Variants in GALNT13 observed in about 807,000 individuals in gnomAD.
GALNT13 encodes the protein polypeptide N-acetylgalactosaminyltransferase 13.
A neutral mutation model predicts 64.2 loss-of-function variants in GALNT13; 28 were observed. The observed-to-expected ratio is 0.44, with a 90% CI of 0.32 to 0.60. The LOEUF (loss-of-function observed/expected upper bound fraction) is 0.60. Ranked by LOEUF, GALNT13 falls within the 20% of genes least tolerant of loss-of-function variation. The pLI is 0.05. For synonymous variants in GALNT13, 214 were observed against 224.6 expected (o/e 0.95, Z 0.42); for missense variants, 577 against 669.8 (o/e 0.86, Z 1.53).
At chr2:154,029,457 A>T (rs1449192526) in intron 3 of GALNT13, among the ~76,000 whole-genome samples, 1 of 152,148 alleles carries the variant, frequency 6.6e-6, no homozygotes, top group African/African-American at 2.4e-5. Context: ...TCCTCAACAC[A>T]AGAGAATACT....
At position 154,168,654 on chromosome 2, in the gene GALNT13, G is replaced by A. The variant is rs567977456; in HGVS notation, c.311+28149G>A. 1.3e-4 allele frequency among the ~76,000 whole-genome samples: 18 copies of A among 133,508 alleles called. No homozygotes were observed. The East Asian group carries it at 4.1e-3, about 30-fold the overall frequency. The allele number at this position is 133,508 out of a possible 152,430, so 87.6% of individuals were successfully genotyped here. On this transcript the variant is annotated intron_variant, in intron 4 of 12. Coordinates refer to ENST00000392825, the MANE Select transcript of GALNT13 (RefSeq NM_052917.4). ...TCAAGACCAGCCTGGCCAACATAGTGAAACCTCATCTCTACTATTAAAAAA... is the reference window on the plus strand; with the variant it reads ...TCAAGACCAGCCTGGCCAACATAGTAAAACCTCATCTCTACTATTAAAAAA...
At chr2:153,847,969 A>G in the GALNT13 span, among the ~76,000 whole-genome samples, 1 of 152,216 alleles carries the variant, frequency 6.6e-6, no homozygotes, top group South Asian at 2.1e-4. Context: ...TTGAGGCAAG[A>G]GAGCTGGCTT....
intron 3 of GALNT13, among the ~76,000 whole-genome samples, chr2:154,090,468 T>C (rs1444741668): frequency 2.6e-5 from 4 of 152,068 alleles, no homozygotes; most frequent in Non-Finnish European, 5.9e-5. Context: ...AAGCCCAAAA[T>C]ATCAGCACAA....
chr2:153,389,799 A>G, the GALNT13 span, among the ~76,000 whole-genome samples: 1 of 152,204 alleles, frequency 6.6e-6, no homozygotes, highest in Non-Finnish European at 1.5e-5. Context: ...GTGTGATCCT[A>G]GGCAAGTTTC....
intron 3 of GALNT13, among the ~76,000 whole-genome samples, chr2:154,019,316 T>A (rs906272489): frequency 6.6e-6 from 1 of 152,134 alleles, no homozygotes; most frequent in Non-Finnish European, 1.5e-5. Flanking sequence ...GCTATAGAAA[T>A]CATTAATTCT....
intron 3 of GALNT13, among the ~76,000 whole-genome samples, chr2:154,049,990 T>C (rs2105344430): frequency 6.6e-6 from 1 of 152,250 alleles, no homozygotes; most frequent in Admixed American, 6.5e-5. Flanking sequence ...GTATTAAATG[T>C]TTATTATATT....
intron 4 of GALNT13, among the ~76,000 whole-genome samples, chr2:154,220,102 C>A (rs1031884938): frequency 1.5e-4 from 23 of 152,134 alleles, no homozygotes; most frequent in African/African-American, 4.8e-4. Context: ...ATGGGCTATG[C>A]AAGCAATGGG....
chr2:153,263,420 T>C, the GALNT13 span, among the ~76,000 whole-genome samples: 1 of 152,208 alleles, frequency 6.6e-6, no homozygotes, highest in African/African-American at 2.4e-5. Flanking sequence ...ACCATTGACA[T>C]TCTTCACAGA....
the GALNT13 span, among the ~76,000 whole-genome samples, chr2:153,125,564 A>T: frequency 1.3e-5 from 2 of 152,206 alleles, no homozygotes; most frequent in Non-Finnish European, 2.9e-5. Flanking sequence ...TAGTGATTTT[A>T]AGTATGCAGG....
the GALNT13 span, among the ~76,000 whole-genome samples, chr2:153,278,348 T>C: frequency 7.2e-5 from 11 of 152,142 alleles, no homozygotes; most frequent in African/African-American, 2.4e-4. Flanking sequence ...ATCCACAAGC[T>C]GTTTAATTAG....
intron 4 of GALNT13, among the ~76,000 whole-genome samples, chr2:154,178,531 C>T (rs1364640966): frequency 4.6e-5 from 7 of 151,984 alleles, no homozygotes. Flanking sequence ...CAAACCTGCA[C>T]GTTGTGCACA....
chr2:153,622,731 T>G, the GALNT13 span, among the ~76,000 whole-genome samples: 1 of 152,164 alleles, frequency 6.6e-6, no homozygotes, highest in African/African-American at 2.4e-5. Context: ...TTAATAAAAT[T>G]TAACTTTTAA....
chr2:153,316,772 G>A, the GALNT13 span, among the ~76,000 whole-genome samples: 5 of 151,996 alleles, frequency 3.3e-5, no homozygotes, highest in African/African-American at 1.2e-4. Context: ...ACTGCTCAGT[G>A]TGAAGAAGAA....
At chr2:153,072,476 G>C in the GALNT13 span, among the ~76,000 whole-genome samples, 1 of 152,190 alleles carries the variant, frequency 6.6e-6, no homozygotes, top group African/African-American at 2.4e-5. Context: ...TTCAGTGCTT[G>C]ATTCTCTTTG....
At chr2:153,373,074 A>G in the GALNT13 span, among the ~76,000 whole-genome samples, 1 of 151,446 alleles carries the variant, frequency 6.6e-6, no homozygotes, top group Non-Finnish European at 1.5e-5. Context: ...ATTCTTGGTC[A>G]TTCTCTTTTT....
the GALNT13 span, among the ~76,000 whole-genome samples, chr2:153,095,074 A>C: frequency 8.2e-4 from 125 of 152,298 alleles, no homozygotes; most frequent in Non-Finnish European, 1.6e-3. Context: ...TGCACAGCAA[A>C]AGAAACTACC....
At chr2:153,261,700 C>G in the GALNT13 span, among the ~76,000 whole-genome samples, 1 of 152,102 alleles carries the variant, frequency 6.6e-6, no homozygotes, top group Non-Finnish European at 1.5e-5. Flanking sequence ...CCTATGTTCA[C>G]TCAAGGCCCA....
chr2:154,116,386 G>A (rs990706321), intron 3 of GALNT13, among the ~76,000 whole-genome samples: 7 of 152,100 alleles, frequency 4.6e-5, no homozygotes, highest in African/African-American at 1.2e-4. Flanking sequence ...ATAAGAGCTC[G>A]TGTCCTGTTT....
intron 1 of GALNT13, among the ~76,000 whole-genome samples, 177 bp downstream of exon 1, chr2:153,872,480 C>T (rs1031169705): frequency 7.2e-5 from 11 of 152,150 alleles, no homozygotes; most frequent in Admixed American, 5.2e-4. Context: ...GCGGACCTGG[C>T]GACGCGGCCT....
Sources: gnomAD v4.1 joint callset for allele counts (sites outside exome capture counted in the v4.1 genomes callset) on GRCh38, gnomAD v4.1.1 for gene constraint, MANE v1.5 for transcripts, NCBI Gene and HGNC (gene_info 2026-07-23, HGNC 2026-07-21) for gene names.